RBM19: variants seen among roughly 807,000 people sequenced by gnomAD.
RBM19 encodes the protein RNA binding motif protein 19, also known as probable RNA-binding protein 19.
A neutral mutation model predicts 116.8 loss-of-function variants in RBM19; 94 were observed. The ratio of observed to expected loss-of-function variants is 0.80; its 90% confidence interval spans 0.68 to 0.95. The LOEUF is 0.95. Ranked by LOEUF, RBM19 falls within the 40% of genes least tolerant of loss-of-function variation. The probability of loss-of-function intolerance (pLI) is 0.00; values close to 1 mark genes in which losing one functional copy is unlikely to be tolerated. For synonymous variants in RBM19, 475 were observed against 494.1 expected (o/e 0.96, Z 0.51); for missense variants, 1,161 against 1,220.7 (o/e 0.95, Z 0.73).
intron 23 of RBM19, among the ~76,000 whole-genome samples, chr12:113,837,683 C>T (rs113304498): frequency 3.3e-5 from 5 of 152,348 alleles, no homozygotes; most frequent in African/African-American, 4.8e-5. Flanking sequence ...TACAAATACT[C>T]GGTACAGCAG....
In RBM19 at chr12:113,884,382, CT is replaced by C. The variant is rs533245425; in HGVS notation, c.2559-25487del. Among the ~76,000 whole-genome samples, 251 of 151,890 alleles carry C rather than the reference CT, an allele frequency of 1.7e-3. 1 individual carries two copies. The highest frequency in any genetic ancestry group is 5.5e-3 in the African/African-American group (227 of 41,344). On this transcript the variant is annotated intron_variant, in intron 21 of 23. Transcript: ENST00000261741. ...GGTTCTCAATCAGGCAATTTTGCCC[CT>C]GTCCCCACCTCTATTCCTGCAGGAC... is the stretch of plus-strand genomic sequence containing the variant.
In RBM19 at chr12:113,844,769, C is replaced by A. The variant is rs777041007; in HGVS notation, c.2684G>T (p.Cys895Phe). 1.2e-6 allele frequency: 2 copies of A among 1,613,162 alleles called. No homozygotes were observed. Among genetic ancestry groups the A allele is most frequent in the East Asian group, 2.2e-5 (1 of 44,852 alleles). Reference protein sequence around the residue: ...QDAKRAFNALCHSTHLYGRRL... With the variant: ...QDAKRAFNALFHSTHLYGRRL... ...CCGCCCGTACAAGTGGGTGCTGTGACACAGGGCGTTGAAGGCTCTCTGCAG... is the reference window on the plus strand; with the variant it reads ...CCGCCCGTACAAGTGGGTGCTGTGAAACAGGGCGTTGAAGGCTCTCTGCAG... The change falls in exon 23 of 24, where the codon TGT (cysteine) becomes TTT (phenylalanine). Residue 895 changes from cysteine (C) to phenylalanine (F), a missense_variant. By Grantham distance (205) the Cys-to-Phe change is radical (BLOSUM62 -2). Coordinates refer to ENST00000261741, the MANE Select transcript of RBM19 (RefSeq NM_016196.4).
At chr12:113,944,091 A>ATGTTTTTTTTTTTTTTTTTTTT (rs1870807398) in intron 13 of RBM19, among the ~76,000 whole-genome samples, 1 of 78,468 alleles carries the variant, frequency 1.3e-5, no homozygotes, top group Admixed American at 1.6e-4. Flanking sequence ...CTCCAGATGC[A>ATGTTTTTTTTTTTTTTTTTTTT]TGTTTTTTTT....
intron 14 of RBM19, among the ~76,000 whole-genome samples, chr12:113,941,080 A>G (rs1169296233): frequency 6.6e-6 from 1 of 152,256 alleles, no homozygotes; most frequent in Non-Finnish European, 1.5e-5. Flanking sequence ...AATAAGTCTT[A>G]GCTCAGCCGC....
intron 21 of RBM19, among the ~76,000 whole-genome samples, chr12:113,909,410 C>A (rs1224584916): frequency 6.6e-6 from 1 of 152,180 alleles, no homozygotes; most frequent in Non-Finnish European, 1.5e-5. Context: ...TTAGCATTTG[C>A]TACCCTGGTG....
At position 113,861,019 on chromosome 12, in the gene RBM19, A is replaced by G. The variant is rs115170823; in HGVS notation, c.2559-2123T>C. On this transcript the variant is annotated intron_variant, in intron 21 of 23. Transcript: ENST00000261741. ...AATACACATAGCACAAATGTGAACT[A>G]TTGTTAGCCTTATCATTCCCATGTT... Among the ~76,000 whole-genome samples the G allele has an allele frequency of 5.3e-3, 809 of 152,338 alleles. 5 individuals are homozygous for G. The highest frequency in any genetic ancestry group is 0.017 in the African/African-American group (711 of 41,576).
intron 22 of RBM19, among the ~76,000 whole-genome samples, chr12:113,845,829 T>A (rs750847249): frequency 6.6e-6 from 1 of 152,190 alleles, no homozygotes; most frequent in Non-Finnish European, 1.5e-5. Flanking sequence ...GGCCAAAAGC[T>A]TGGAGTCTGA....
Position 113,822,891 on chromosome 12 carries a change from G to A in RBM19, c.*333C>T. On this transcript the variant is annotated 3_prime_UTR_variant, in exon 24 of 24. Transcript: ENST00000261741. ...CTTACTCTCCTGGGGTGGGGACAGG[G>A]GGAGCAGGGGTTCTAGCTCCCTGTG... 4.5e-6 allele frequency: 1 copy of A among 220,598 alleles called. No homozygotes were observed. The highest frequency in any genetic ancestry group is 8.9e-6 in the Non-Finnish European group (1 of 112,348). The allele number at this position is 220,598 out of a possible 1,614,324, so 13.7% of individuals were successfully genotyped here. A position where few individuals can be genotyped will look rare whatever the true frequency, so the allele number is the denominator to read the frequency against.
chr12:113,927,591 CA>C (rs764020256), intron 16 of RBM19, among the ~76,000 whole-genome samples: 74 of 63,042 alleles, frequency 1.2e-3, no homozygotes, highest in Middle Eastern at 0.01. Context: ...CCTCAAAAAA[CA>C]AAAAAAAAAA....
At chr12:113,881,938 G>T (rs1363606813) in intron 21 of RBM19, among the ~76,000 whole-genome samples, 1 of 152,256 alleles carries the variant, frequency 6.6e-6, no homozygotes, top group Non-Finnish European at 1.5e-5. Context: ...CTCCACCCAT[G>T]GGGGTGCACA....
chr12:113,823,197 G>A lies in RBM19; in HGVS notation c.*27C>T, dbSNP rs775583487. 8.2e-6 allele frequency: 13 copies of A among 1,591,514 alleles called. No homozygotes were observed. The highest frequency in any genetic ancestry group is 5.1e-5 in the Admixed American group (3 of 59,382). ...CGGCTGTCCCGGTCCCCAGGGCCCC[G>A]GAGCCACACACCCTCTCGGTGCCAG... On this transcript the variant is annotated 3_prime_UTR_variant, in exon 24 of 24. Coordinates refer to ENST00000261741, the MANE Select transcript of RBM19 (RefSeq NM_016196.4).
At chr12:113,897,777 G>A (rs1310915484) in intron 21 of RBM19, among the ~76,000 whole-genome samples, 4 of 152,196 alleles carry the variant, frequency 2.6e-5, no homozygotes, top group Non-Finnish European at 4.4e-5. Context: ...GAATCACTAC[G>A]CTACCAGCTG....
rs1880732961 is a variant in RBM19, at chr12:113,888,812, A to G, written c.2558+26157T>C. Among the ~76,000 whole-genome samples the G allele has an allele frequency of 4.6e-5, 7 of 152,228 alleles. No homozygotes were observed. In the South Asian group the frequency reaches 1.2e-3, roughly 27 times the overall value. On this transcript the variant is annotated intron_variant, in intron 21 of 23. Transcript: ENST00000261741. ...GTAAAAACTTCAACCTCATGGGACT[A>G]TTGTGAGGACCAAAGGGATATTAGA...
chr12:113,961,720 G>T (rs939840638), intron 2 of RBM19, among the ~76,000 whole-genome samples: 58 of 152,344 alleles, frequency 3.8e-4, no homozygotes, highest in African/African-American at 1.3e-3. Context: ...TCCGGCTATA[G>T]ATCTTTGTTC....
intron 21 of RBM19, among the ~76,000 whole-genome samples, chr12:113,901,498 TATTCATTCATTC>T (rs148668311): frequency 2.6e-5 from 4 of 151,628 alleles, no homozygotes; most frequent in Non-Finnish European, 5.9e-5. Context: ...TTCCTTCTTT[TATTCATTCATTC>T]ATTCATTCAT....
At chr12:113,925,712 G>C (rs1869004935) in intron 17 of RBM19, among the ~76,000 whole-genome samples, 1 of 151,350 alleles carries the variant, frequency 6.6e-6, no homozygotes, top group Non-Finnish European at 1.5e-5. Context: ...TGCATGAAGA[G>C]ACTGAACTAG....
chr12:113,942,034 T>C (rs963387013), intron 14 of RBM19, among the ~76,000 whole-genome samples: 3 of 152,038 alleles, frequency 2.0e-5, no homozygotes, highest in Non-Finnish European at 4.4e-5. Flanking sequence ...ACAGATGCTC[T>C]GGGAAGCCAC....
At chr12:113,892,482 A>T (rs1881027485) in intron 21 of RBM19, among the ~76,000 whole-genome samples, 1 of 152,236 alleles carries the variant, frequency 6.6e-6, no homozygotes, top group African/African-American at 2.4e-5. Flanking sequence ...CAGGAGAAAG[A>T]ATTTTGAAAG....
chr12:113,872,559 G>A lies in RBM19; in HGVS notation c.2559-13663C>T, dbSNP rs1396500134. Among the ~76,000 whole-genome samples, 311 of 116,834 alleles carry A rather than the reference G, an allele frequency of 2.7e-3. 1 individual carries two copies. The highest frequency in any genetic ancestry group is 8.6e-3 in the African/African-American group (294 of 34,364). The allele number at this position is 116,834 out of a possible 152,430, so 76.6% of individuals were successfully genotyped here. A position where few individuals can be genotyped will look rare whatever the true frequency, so the allele number is the denominator to read the frequency against. ...CCCCGCCCGGCCAGCCGCCCCGTCCGGGAGGGAGGTGGGGGGGGGTCAGCC... is the reference window on the plus strand; with the variant it reads ...CCCCGCCCGGCCAGCCGCCCCGTCCAGGAGGGAGGTGGGGGGGGGTCAGCC... On this transcript the variant is annotated intron_variant, in intron 21 of 23. Transcript: ENST00000261741.
Sources: allele counts gnomAD v4.1 joint callset (sites outside exome capture counted in the v4.1 genomes callset), GRCh38; gene constraint gnomAD v4.1.1; transcripts MANE v1.5; gene names NCBI Gene and HGNC (gene_info 2026-07-23, HGNC 2026-07-21).